The following NPAS3 variants were observed in gnomAD, a reference collection of about 807,000 sequenced individuals.
The protein encoded by NPAS3 is neuronal PAS domain-containing protein 3.
A neutral mutation model predicts 73.1 loss-of-function variants in NPAS3; 14 were observed. That is an observed-to-expected ratio of 0.19 (90% CI 0.13 to 0.30). NPAS3 has a LOEUF of 0.30. Ranked by LOEUF, NPAS3 falls within the 10% of genes least tolerant of loss-of-function variation. NPAS3 has a pLI of 1.00. For missense variants in NPAS3, 1,096 were observed against 1,250.0 expected (o/e 0.88, Z 1.86); for synonymous variants, 620 against 541.5 (o/e 1.14, Z -2.01).
At chr14:33,061,165 T>TG (rs547790792) in intron 2 of NPAS3, among the ~76,000 whole-genome samples, 59 of 152,096 alleles carry the variant, frequency 3.9e-4, no homozygotes, top group Non-Finnish European at 7.9e-4. Context: ...GGGATTCTGC[T>TG]GGGGGGAGGA....
intron 2 of NPAS3, among the ~76,000 whole-genome samples, chr14:33,063,727 A>T (rs1250026320): frequency 6.6e-6 from 1 of 152,172 alleles, no homozygotes; most frequent in East Asian, 1.9e-4. Context: ...AAGTTTGCTG[A>T]CCTCCGCATT....
intron 9 of NPAS3, among the ~76,000 whole-genome samples, chr14:33,784,648 A>T (rs2138557902): frequency 6.6e-6 from 1 of 152,152 alleles, no homozygotes; most frequent in African/African-American, 2.4e-5. Flanking sequence ...AAATTCTAAT[A>T]AAATTCTCAC....
chr14:33,155,751 A>C (rs1566618403), intron 2 of NPAS3, among the ~76,000 whole-genome samples: 1 of 152,144 alleles, frequency 6.6e-6, no homozygotes, highest in Non-Finnish European at 1.5e-5. Context: ...GAAATTGTGT[A>C]GGTATCTTCC....
chr14:33,218,646 G>A (rs867498877), intron 3 of NPAS3, among the ~76,000 whole-genome samples: 5 of 152,066 alleles, frequency 3.3e-5, no homozygotes, highest in African/African-American at 9.7e-5. Context: ...TAAACCTAAA[G>A]GCATTTGGCA....
chr14:33,376,232 TA>T (rs2046307392), intron 4 of NPAS3, among the ~76,000 whole-genome samples: 1 of 152,142 alleles, frequency 6.6e-6, no homozygotes, highest in Non-Finnish European at 1.5e-5. Context: ...TTAGGCCATA[TA>T]AAAATCATAT....
chr14:33,770,215 G>C (rs1013930779), intron 7 of NPAS3, among the ~76,000 whole-genome samples: 1 of 152,164 alleles, frequency 6.6e-6, no homozygotes, highest in South Asian at 2.1e-4. Context: ...AGAACCACTG[G>C]TGTAACTGCA....
intron 1 of NPAS3, among the ~76,000 whole-genome samples, chr14:32,969,519 G>T (rs575291032): frequency 1.4e-4 from 21 of 152,284 alleles, no homozygotes; most frequent in Admixed American, 1.1e-3. Context: ...ATATAAAAAG[G>T]TCTGGACCAA....
intron 5 of NPAS3, among the ~76,000 whole-genome samples, chr14:33,625,182 A>G (rs1479943242): frequency 6.6e-6 from 1 of 152,232 alleles, no homozygotes; most frequent in African/African-American, 2.4e-5. Flanking sequence ...CTTAAATTTT[A>G]AAATGGGAAT....
chr14:33,732,462 G>T (rs2061424646), intron 6 of NPAS3, among the ~76,000 whole-genome samples: 1 of 152,206 alleles, frequency 6.6e-6, no homozygotes, highest in Non-Finnish European at 1.5e-5. Flanking sequence ...AAGTGTATTT[G>T]CTAGCTCTTG....
intron 3 of NPAS3, among the ~76,000 whole-genome samples, chr14:33,240,317 G>A (rs898137062): frequency 9.2e-5 from 14 of 151,558 alleles, no homozygotes; most frequent in Non-Finnish European, 2.1e-4. Flanking sequence ...CAAAATAAAT[G>A]TTTATATTAA....
At chr14:33,750,297 G>A (rs1467710666) in intron 7 of NPAS3, among the ~76,000 whole-genome samples, 1 of 151,002 alleles carries the variant, frequency 6.6e-6, no homozygotes, top group Non-Finnish European at 1.5e-5. Flanking sequence ...AGAGGTAGAA[G>A]AAATCATCAC....
chr14:33,318,600 C>A (rs1401653965), intron 3 of NPAS3, among the ~76,000 whole-genome samples: 1 of 152,052 alleles, frequency 6.6e-6, no homozygotes, highest in African/African-American at 2.4e-5. Flanking sequence ...TTAGACTAAG[C>A]AGCTAGTGCC....
chr14:33,665,786 G>A (rs966312263), intron 5 of NPAS3, among the ~76,000 whole-genome samples: 16 of 152,150 alleles, frequency 1.1e-4, no homozygotes, highest in African/African-American at 3.6e-4. Context: ...GGTTAACAGA[G>A]CAAATCCTGT....
At chr14:33,086,314 G>A (rs907933319) in intron 2 of NPAS3, among the ~76,000 whole-genome samples, 7 of 151,948 alleles carry the variant, frequency 4.6e-5, no homozygotes, top group African/African-American at 1.5e-4. Flanking sequence ...TTAATGTTTG[G>A]TATATTCTTG....
rs925897003 is a variant in NPAS3, at chr14:33,073,593, G to T, written c.140+17599G>T. Among the ~76,000 whole-genome samples, 3 of 152,170 alleles carry T rather than the reference G, an allele frequency of 2.0e-5. No homozygotes were observed. The East Asian group carries it at 5.8e-4, about 29-fold the overall frequency. On this transcript the variant is annotated intron_variant, in intron 2 of 11. Transcript: ENST00000356141. ...TCTTCTTGGAAAGTTGGAACTTAAA[G>T]CTGGCCCGTGAATGAACAAGGTAAT...
At chr14:33,252,091 GTA>G (rs1467058323) in intron 3 of NPAS3, among the ~76,000 whole-genome samples, 2 of 134,120 alleles carry the variant, frequency 1.5e-5, no homozygotes, top group Non-Finnish European at 3.3e-5. Context: ...GTGTGTGTGT[GTA>G]ATAAACCCAT....
chr14:33,433,863 A>C (rs2048875116), intron 4 of NPAS3, among the ~76,000 whole-genome samples: 1 of 152,206 alleles, frequency 6.6e-6, no homozygotes, highest in African/African-American at 2.4e-5. Context: ...TTATTTTCAA[A>C]ATGAATATAA....
intron 3 of NPAS3, among the ~76,000 whole-genome samples, chr14:33,224,921 C>T (rs971502427): frequency 8.6e-5 from 13 of 151,964 alleles, no homozygotes; most frequent in East Asian, 3.9e-4. Context: ...CATCAGTACA[C>T]GAAATTCTCT....
chr14:33,610,971 G>A (rs2057730345), intron 5 of NPAS3: 1 of 152,196 alleles, frequency 6.6e-6, no homozygotes. Flanking sequence ...CATCCACTGT[G>A]CTCTTGAAAC....
Sources: gnomAD v4.1 joint callset for allele counts (sites outside exome capture counted in the v4.1 genomes callset) on GRCh38, gnomAD v4.1.1 for gene constraint, MANE v1.5 for transcripts, NCBI Gene and HGNC (gene_info 2026-07-23, HGNC 2026-07-21) for gene names.